MRC2: variants seen among roughly 807,000 people sequenced by gnomAD.
The protein encoded by MRC2 is C-type mannose receptor 2.
A neutral mutation model predicts 206.2 loss-of-function variants in MRC2; 84 were observed. The observed-to-expected ratio is 0.41, with a 90% confidence interval of 0.34 to 0.49. The LOEUF (loss-of-function observed/expected upper bound fraction) is 0.49. Ranked by LOEUF, MRC2 falls within the 20% of genes least tolerant of loss-of-function variation. The probability of loss-of-function intolerance (pLI) is 0.31; values close to 1 mark genes in which losing one functional copy is unlikely to be tolerated. For missense variants in MRC2, 1,676 were observed against 2,001.5 expected, an observed-to-expected ratio of 0.84 and a Z score of 3.10; for synonymous variants, 798 against 800.0, an observed-to-expected ratio of 1.00 and a Z score of 0.04.
At chr17:62,669,667 T>C (rs4968706) in intron 6 of MRC2, among the ~76,000 whole-genome samples, 16,667 of 151,872 alleles carry the variant, frequency 0.11, 1,140 homozygotes, top group South Asian at 0.2. Context: ...ATTCTCATGC[T>C]CCAGCCTCCC....
At chr17:62,679,102 C>CTA (rs1391474416) in intron 13 of MRC2, among the ~76,000 whole-genome samples, 1 of 152,162 alleles carries the variant, frequency 6.6e-6, no homozygotes, top group Non-Finnish European at 1.5e-5. Flanking sequence ...CATGGGCCTC[C>CTA]CTCTGAGACA....
intron 22 of MRC2, 23 bp from the exon 23 acceptor site, chr17:62,688,829 C>G (rs1240504364): frequency 6.3e-7 from 1 of 1,593,038 alleles, no homozygotes; most frequent in Admixed American, 1.7e-5. Flanking sequence ...CTGGGGCTCC[C>G]CTGAGCAGCT....
intron 1 of MRC2, among the ~76,000 whole-genome samples, chr17:62,644,542 A>C (rs1301496214): frequency 1.3e-5 from 2 of 152,372 alleles, no homozygotes; most frequent in Middle Eastern, 3.4e-3. Flanking sequence ...CTTTACAAAA[A>C]ATAAAAATAA....
chr17:62,658,769 T>A (rs1013730842), intron 1 of MRC2, among the ~76,000 whole-genome samples: 1 of 152,222 alleles, frequency 6.6e-6, no homozygotes, highest in Non-Finnish European at 1.5e-5. Context: ...TTTTTCCTTT[T>A]CCGGCCCCAG....
intron 10 of MRC2, 107 bp from the exon 11 acceptor site, chr17:62,676,276 T>G: frequency 2.9e-6 from 4 of 1,396,620 alleles, no homozygotes; most frequent in South Asian, 1.4e-5. Flanking sequence ...CTTGAGCAAG[T>G]TATTGGTCGG....
chr17:62,679,645 A>G, intron 13 of MRC2, 155 bp from the exon 14 acceptor site: 1 of 625,984 alleles, frequency 1.6e-6, no homozygotes, highest in South Asian at 2.0e-5. Flanking sequence ...AGTGACCTCA[A>G]CGCTGTATCG....
chr17:62,680,048 G>T lies in MRC2; in HGVS notation c.2299-122G>T, dbSNP rs1175307528. On this transcript the variant is annotated intron_variant, in intron 14 of 29. Coordinates refer to ENST00000303375, the MANE Select transcript of MRC2 (RefSeq NM_006039.5). The surrounding 1 kb of genome is among the most constrained non-coding windows in gnomAD (Gnocchi z 4.8). ...CTTCAGGAAAGCAGGTCCGAGAGGG[G>T]TCACCCGGCCCCCGGTGAGAATTCG... is the stretch of plus-strand genomic sequence containing the variant. 1.3e-6 allele frequency: 2 copies of T among 1,531,762 alleles called. No homozygotes were observed. The highest frequency in any genetic ancestry group is 2.7e-5 in the African/African-American group (2 of 73,302). The allele number at this position is 1,531,762 out of a possible 1,614,324, so 94.9% of individuals were successfully genotyped here. A position where few individuals can be genotyped will look rare whatever the true frequency, so the allele number is the denominator to read the frequency against.
rs34887251 is a variant in MRC2 at position 62,675,798 on chromosome 17, G to A, written c.1578G>A (p.Thr526=). The change falls in exon 10 of 30, where the codon ACG becomes ACA. Residue 526 remains threonine, a synonymous_variant. Coordinates refer to ENST00000303375, the MANE Select transcript of MRC2 (RefSeq NM_006039.5). This position sits in a 1 kb window ranked among gnomAD's most constrained non-coding sequence, Gnocchi z 4.1. ...EEDHGCRKGW[T]WHSPSCYWLG... Reference sequence around the variant, plus strand: ...GTCCACTCTTGAGCCAGGGTTGGACGTGGCACAGCCCATCCTGCTACTGGC... The same window carrying A: ...GTCCACTCTTGAGCCAGGGTTGGACATGGCACAGCCCATCCTGCTACTGGC... The A allele has an allele frequency of 4.6e-4, 750 of 1,614,036 alleles. 1 individual carries two copies. The African/African-American group carries it at 8.2e-3, about 18-fold the overall frequency.
chr17:62,667,785 C>G lies in MRC2; in HGVS notation c.1117+252C>G, dbSNP rs940477635. Among the ~76,000 whole-genome samples, 7 of 152,250 alleles carry G rather than the reference C, an allele frequency of 4.6e-5. No individual in the cohort carries two copies. Among genetic ancestry groups the G allele is most frequent in the Non-Finnish European group, 7.3e-5 (5 of 68,040 alleles). ...ACCCACTGTTACCTCGTAGAGACCACAGTCTGCTGGAGGTGACAGACATCT... is the reference window on the plus strand; with the variant it reads ...ACCCACTGTTACCTCGTAGAGACCAGAGTCTGCTGGAGGTGACAGACATCT... On this transcript the variant is annotated intron_variant, in intron 6 of 29. Transcript: ENST00000303375. The surrounding 1 kb of genome is among the most constrained non-coding windows in gnomAD (Gnocchi z 4.1).
Position 62,675,934 on chromosome 17 carries a change from C to T in MRC2, c.1685+29C>T. 1.3e-6 allele frequency: 2 copies of T among 1,584,494 alleles called. No individual in the cohort carries two copies. The highest frequency in any genetic ancestry group is 1.1e-5 in the South Asian group (1 of 90,410). On this transcript the variant is annotated intron_variant, in intron 10 of 29. Coordinates refer to ENST00000303375, the MANE Select transcript of MRC2 (RefSeq NM_006039.5). The surrounding 1 kb of genome is among the most constrained non-coding windows in gnomAD (Gnocchi z 4.1). ...CAGCAGGGGCGGGTGCCCTGACTAGCCCTTGCCCATGTCTGGGCCTATTGT... is the reference window on the plus strand; with the variant it reads ...CAGCAGGGGCGGGTGCCCTGACTAGTCCTTGCCCATGTCTGGGCCTATTGT...
At chr17:62,687,529 A>G (rs765225490) in intron 20 of MRC2, among the ~76,000 whole-genome samples, 2 of 152,216 alleles carry the variant, frequency 1.3e-5, no homozygotes, top group Admixed American at 1.3e-4. Context: ...CCTAAGAAAG[A>G]GTCTTCACTT....
At chr17:62,643,066 G>A (rs529723858) in intron 1 of MRC2, among the ~76,000 whole-genome samples, 7 of 152,156 alleles carry the variant, frequency 4.6e-5, no homozygotes, top group African/African-American at 1.4e-4. Flanking sequence ...GGTTGCTCTC[G>A]CCTGTAATCC....
chr17:62,689,303 T>C, intron 23 of MRC2: 1 of 579,660 alleles, frequency 1.7e-6, no homozygotes, highest in Admixed American at 3.1e-5. Flanking sequence ...GTTCCTTGGG[T>C]AGGAGGAGGT....
chr17:62,641,723 T>C, intron 1 of MRC2, among the ~76,000 whole-genome samples: 1 of 152,314 alleles, frequency 6.6e-6, no homozygotes, highest in East Asian at 1.9e-4. Flanking sequence ...CATGGGTGAA[T>C]ATTAGAGACT....
intron 1 of MRC2, among the ~76,000 whole-genome samples, chr17:62,638,753 A>G (rs1045200467): frequency 3.4e-5 from 5 of 146,976 alleles, no homozygotes; most frequent in Non-Finnish European, 7.5e-5. Flanking sequence ...AAAAAAAAAA[A>G]AAAAGAAAGA....
rs566189040 is a variant in MRC2 at position 62,638,153 on chromosome 17, A to G, written c.118+10233A>G. On this transcript the variant is annotated intron_variant, in intron 1 of 29. Transcript: ENST00000303375. ...GTTGGGATTACAGGCGTGAGCAACT[A>G]TGAGGCTGGCATTTGGTATTATTTA... Among the ~76,000 whole-genome samples the G allele has an allele frequency of 6.6e-5, 10 of 152,316 alleles. 1 individual carries two copies. The East Asian group carries it at 1.9e-3, about 29-fold the overall frequency.
intron 1 of MRC2, among the ~76,000 whole-genome samples, chr17:62,655,590 A>G (rs894905970): frequency 2.0e-5 from 3 of 151,630 alleles, no homozygotes; most frequent in Non-Finnish European, 4.4e-5. Context: ...GGTGGGGTGC[A>G]TGCCTATAGT....
intron 1 of MRC2, among the ~76,000 whole-genome samples, chr17:62,646,225 C>T (rs539330099): frequency 1.7e-4 from 26 of 152,000 alleles, no homozygotes; most frequent in Middle Eastern, 3.4e-3. Context: ...GGGGTTTCAC[C>T]GTGTTGGCCA....
At position 62,689,669 on chromosome 17, in the gene MRC2, C is replaced by A; in HGVS notation, c.3482C>A (p.Ala1161Asp). ...LLCESRNASL[A>D]YVPDPYTQAF... Reference sequence around the variant, plus strand: ...TGTGAGAGCCGCAATGCCAGCCTGGCCTACGTGCCCGACCCCTACACCCAG... The same window carrying A: ...TGTGAGAGCCGCAATGCCAGCCTGGACTACGTGCCCGACCCCTACACCCAG... The change falls in exon 24 of 30, where the codon GCC becomes GAC. Residue 1161 changes from alanine (A) to aspartate (D), a missense_variant. Transcript: ENST00000303375. 2 of 1,589,642 alleles carry A rather than the reference C, an allele frequency of 1.3e-6. No homozygotes were observed. Among genetic ancestry groups the A allele is most frequent in the Non-Finnish European group, 1.7e-6 (2 of 1,168,222 alleles).
Sources: gnomAD v4.1 joint callset for allele counts (sites outside exome capture counted in the v4.1 genomes callset) on GRCh38, gnomAD v4.1.1 for gene constraint, Gnocchi (gnomAD v3.1) non-coding constraint, MANE v1.5 for transcripts, NCBI Gene and HGNC (gene_info 2026-07-23, HGNC 2026-07-21) for gene names.